PDE4D: variants seen among roughly 807,000 people sequenced by gnomAD.
PDE4D encodes the protein 3',5'-cyclic-AMP phosphodiesterase 4D.
PDE4D carries 24 observed loss-of-function variants against 87.4 expected under a neutral mutation model. The observed-to-expected ratio is 0.27, with a 90% CI of 0.20 to 0.39. The LOEUF (loss-of-function observed/expected upper bound fraction) is 0.39, where lower values mean the gene tolerates loss of function less well. PDE4D is among the 10% of genes least tolerant of loss of function. PDE4D has a pLI of 1.00. For missense variants in PDE4D, 714 were observed against 1,041.0 expected (o/e 0.69, Z 4.32); for synonymous variants, 384 against 383.2 (o/e 1.00, Z -0.02).
intron 1 of PDE4D, among the ~76,000 whole-genome samples, chr5:59,678,591 G>A (rs1748501636): frequency 6.6e-6 from 1 of 152,084 alleles, no homozygotes; most frequent in African/African-American, 2.4e-5. Flanking sequence ...TCAGGCGCCT[G>A]AGTAGCTGGG....
intron 2 of PDE4D, among the ~76,000 whole-genome samples, chr5:60,156,547 C>T (rs1781992428): frequency 1.3e-5 from 2 of 152,088 alleles, no homozygotes; most frequent in Admixed American, 1.3e-4. Flanking sequence ...TTGTATAAAA[C>T]ATAATCACTT....
intron 2 of PDE4D, among the ~76,000 whole-genome samples, chr5:60,079,350 C>T (rs773293977): frequency 1.3e-5 from 2 of 152,022 alleles, no homozygotes; most frequent in African/African-American, 4.8e-5. Flanking sequence ...ATGACAGCTT[C>T]TTTTGCTGTG....
chr5:59,246,026 A>G (rs1758778100), intron 1 of PDE4D, among the ~76,000 whole-genome samples: 1 of 149,654 alleles, frequency 6.7e-6, no homozygotes, highest in Non-Finnish European at 1.5e-5. Context: ...ATAAATGTAT[A>G]TATTATATAT....
intron 5 of PDE4D, among the ~76,000 whole-genome samples, chr5:59,076,386 TA>T (rs757944670): frequency 2.6e-5 from 4 of 152,110 alleles, no homozygotes; most frequent in Non-Finnish European, 5.9e-5. Context: ...GGTTTGAGAA[TA>T]TTGCTATATA....
intron 1 of PDE4D, among the ~76,000 whole-genome samples, chr5:59,872,848 G>A (rs1748024517): frequency 6.6e-6 from 1 of 152,096 alleles, no homozygotes; most frequent in Non-Finnish European, 1.5e-5. Context: ...CCTACTGACT[G>A]GTAAGAAATG....
intron 1 of PDE4D, chr5:59,356,981 G>A (rs1781482836): frequency 1.8e-6 from 2 of 1,101,974 alleles, no homozygotes; most frequent in African/African-American, 3.3e-5. Flanking sequence ...GCAGTGGTAT[G>A]CGCTGACAGA....
At chr5:60,179,228 T>G (rs1389771961) in intron 2 of PDE4D, among the ~76,000 whole-genome samples, 1 of 152,126 alleles carries the variant, frequency 6.6e-6, no homozygotes, top group Non-Finnish European at 1.5e-5. Context: ...AGGGTCAGGG[T>G]CTCTCTAACT....
chr5:60,282,589 C>T (rs1417780242), intron 1 of PDE4D, among the ~76,000 whole-genome samples: 1 of 152,144 alleles, frequency 6.6e-6, no homozygotes, highest in East Asian at 1.9e-4. Flanking sequence ...GTCCTCTTGT[C>T]TTCTTTCTTT....
intron 1 of PDE4D, among the ~76,000 whole-genome samples, chr5:59,343,608 A>C (rs1779132799): frequency 6.6e-6 from 1 of 152,186 alleles, no homozygotes; most frequent in African/African-American, 2.4e-5. Context: ...ATTGAATTGG[A>C]TATAAGTTCA....
At chr5:60,363,141 T>C (rs562966331) in intron 1 of PDE4D, among the ~76,000 whole-genome samples, 26 of 152,276 alleles carry the variant, frequency 1.7e-4, no homozygotes, top group Middle Eastern at 3.4e-3. Context: ...TCTGCAAAAA[T>C]GTCATCAGCC....
At chr5:59,792,116 GAGA>G (rs1285698134) in intron 1 of PDE4D, among the ~76,000 whole-genome samples, 2 of 152,164 alleles carry the variant, frequency 1.3e-5, no homozygotes, top group Non-Finnish European at 2.9e-5. Context: ...GCTCAGAGAA[GAGA>G]TAAATCCATG....
At chr5:59,345,626 C>T (rs1308989385) in intron 1 of PDE4D, among the ~76,000 whole-genome samples, 1 of 152,150 alleles carries the variant, frequency 6.6e-6, no homozygotes, top group Non-Finnish European at 1.5e-5. Context: ...GATTAAAAGA[C>T]TCAACTGCAT....
At chr5:59,355,457 T>C (rs1781228206) in intron 1 of PDE4D, among the ~76,000 whole-genome samples, 2 of 152,178 alleles carry the variant, frequency 1.3e-5, no homozygotes. Context: ...GTTGGAAATA[T>C]GCACAGTAAT....
intron 1 of PDE4D, among the ~76,000 whole-genome samples, chr5:60,332,252 T>G (rs938426254): frequency 6.6e-6 from 1 of 152,214 alleles, no homozygotes; most frequent in African/African-American, 2.4e-5. Context: ...TGCATGATGC[T>G]AAGGTTTGGG....
intron 11 of PDE4D, among the ~76,000 whole-genome samples, chr5:58,985,664 G>A (rs1305195211): frequency 6.6e-6 from 1 of 152,174 alleles, no homozygotes; most frequent in African/African-American, 2.4e-5. Context: ...TTCAGCTGCA[G>A]GCTTTGGACA....
At chr5:59,329,483 T>C (rs558717313) in intron 1 of PDE4D, among the ~76,000 whole-genome samples, 1 of 152,206 alleles carries the variant, frequency 6.6e-6, no homozygotes, top group Admixed American at 6.5e-5. Flanking sequence ...TTACTTCTTT[T>C]GTCTACTCAC....
chr5:60,242,109 C>T (rs1380572599), intron 1 of PDE4D, among the ~76,000 whole-genome samples: 1 of 152,044 alleles, frequency 6.6e-6, no homozygotes, highest in Non-Finnish European at 1.5e-5. Flanking sequence ...CACCTATAAA[C>T]ACACACAGAC....
chr5:59,539,506 C>T (rs775498694), intron 1 of PDE4D, among the ~76,000 whole-genome samples: 3 of 152,162 alleles, frequency 2.0e-5, no homozygotes, highest in Non-Finnish European at 4.4e-5. Flanking sequence ...TCTGTCTACC[C>T]ATTTCTCTGA....
At chr5:60,135,489 T>A (rs1470857207) in intron 2 of PDE4D, among the ~76,000 whole-genome samples, 2 of 151,906 alleles carry the variant, frequency 1.3e-5, no homozygotes, top group Non-Finnish European at 2.9e-5. Context: ...AAAAAAGTAG[T>A]CTATCGTTCA....
Sources: allele counts gnomAD v4.1 joint callset (sites outside exome capture counted in the v4.1 genomes callset), GRCh38; gene constraint gnomAD v4.1.1; transcripts MANE v1.5; gene names NCBI Gene and HGNC (gene_info 2026-07-23, HGNC 2026-07-21).